Variants in ADAMTSL1 observed in about 807,000 individuals in gnomAD.
ADAMTSL1 encodes the protein ADAMTS like 1.
ADAMTSL1 carries 126 observed loss-of-function variants against 201.8 expected under a neutral mutation model. The ratio of observed to expected loss-of-function variants is 0.62; its 90% CI spans 0.54 to 0.72. ADAMTSL1 has a LOEUF of 0.72. Among genes scored for constraint, ADAMTSL1 ranks in the 30% least tolerant of loss-of-function variants. The probability of loss-of-function intolerance (pLI) is 0.00; values close to 1 mark genes in which losing one functional copy is unlikely to be tolerated. For synonymous variants in ADAMTSL1, 1,121 were observed against 903.4 expected (o/e 1.24, Z -4.32); for missense variants, 2,679 against 2,277.8 (o/e 1.18, Z -3.59).
At chr9:18,598,296 G>A (rs1409020385) in intron 4 of ADAMTSL1, among the ~76,000 whole-genome samples, 3 of 152,066 alleles carry the variant, frequency 2.0e-5, no homozygotes, top group Non-Finnish European at 4.4e-5. Flanking sequence ...TGACTTACCC[G>A]AAGTCTCTCA....
At chr9:17,929,610 C>G (rs187340613) in intron 1 of ADAMTSL1, among the ~76,000 whole-genome samples, 4 of 152,240 alleles carry the variant, frequency 2.6e-5, no homozygotes, top group East Asian at 1.9e-4. Flanking sequence ...TTTCAGTTCC[C>G]CAAGGGCACC....
At chr9:17,985,008 C>T (rs1818864570) in intron 1 of ADAMTSL1, among the ~76,000 whole-genome samples, 1 of 152,046 alleles carries the variant, frequency 6.6e-6, no homozygotes, top group Admixed American at 6.6e-5. Context: ...CAGAATAGTG[C>T]CTAACATGTA....
At chr9:18,588,131 A>G (rs898568603) in intron 4 of ADAMTSL1, among the ~76,000 whole-genome samples, 25 of 152,076 alleles carry the variant, frequency 1.6e-4, no homozygotes, top group African/African-American at 5.8e-4. Context: ...CCTCACCAGC[A>G]TTTGCTATTT....
intron 1 of ADAMTSL1, among the ~76,000 whole-genome samples, chr9:17,940,082 G>A (rs1327090631): frequency 3.9e-5 from 6 of 152,072 alleles, no homozygotes; most frequent in Non-Finnish European, 8.8e-5. Context: ...GGGTATGGTA[G>A]GAGCAGTAAC....
intron 3 of ADAMTSL1, among the ~76,000 whole-genome samples, chr9:18,559,107 C>G (rs1821305337): frequency 6.6e-6 from 1 of 152,010 alleles, no homozygotes; most frequent in Non-Finnish European, 1.5e-5. Context: ...AATGGTATTG[C>G]CTAGGTTTTC....
At chr9:18,097,670 A>G (rs1824315222) in intron 1 of ADAMTSL1, among the ~76,000 whole-genome samples, 1 of 152,080 alleles carries the variant, frequency 6.6e-6, no homozygotes, top group African/African-American at 2.4e-5. Flanking sequence ...TCTAGTTGGC[A>G]TTTTCCTGAT....
At chr9:18,530,379 A>G (rs958853028) in intron 2 of ADAMTSL1, among the ~76,000 whole-genome samples, 2 of 152,190 alleles carry the variant, frequency 1.3e-5, no homozygotes, top group Non-Finnish European at 2.9e-5. Flanking sequence ...ATACTATTAA[A>G]GTCCCAATAG....
Position 18,777,028 on chromosome 9 carries a change from G to T in ADAMTSL1, c.2799G>T (p.Lys933Asn), listed in dbSNP as rs1256060268. The change falls in exon 19 of 29, where the codon AAG (lysine) becomes AAT (asparagine). Residue 933 changes from lysine to asparagine, a missense_variant. Physicochemically the swap from Lys to Asn is moderately conservative, Grantham distance 94. Coordinates refer to ENST00000380548, the MANE Select transcript of ADAMTSL1 (RefSeq NM_001040272.6). ...HVTVAPFGYL[K>N]IHRLKPSDAG... The stretch of plus-strand genomic sequence containing the variant: ...CGGTGGCCCCCTTCGGCTATCTCAA[G>T]ATCCACCGCCTCAAGCCCTCGGATG... 2 of 1,609,042 alleles carry T rather than the reference G, an allele frequency of 1.2e-6. No individual in the cohort carries two copies. The highest frequency in any genetic ancestry group is 1.7e-6 in the Non-Finnish European group (2 of 1,176,830).
chr9:18,908,401 TCTTTTCTGTCTC>T, intron 28 of ADAMTSL1, 29 bp from the exon 29 acceptor site: 1 of 1,503,854 alleles, frequency 6.6e-7, no homozygotes, highest in Non-Finnish European at 9.1e-7. Flanking sequence ...GTTTCACATC[TCTTTTCTGTCTC>T]CTCTCCCGAC....
chr9:18,509,190 C>CA lies in ADAMTSL1; in HGVS notation c.191+4276dup, dbSNP rs57922962. On this transcript the variant is annotated intron_variant, in intron 2 of 28. Coordinates refer to ENST00000380548, the MANE Select transcript of ADAMTSL1 (RefSeq NM_001040272.6). ...TGGGCGACAGAGCGAGACTCCGTCT[C>CA]AAAAAAAAAAAAAAAAAAAAAAAAA... Among the ~76,000 whole-genome samples, 149 of 20,464 alleles carry CA rather than the reference C, an allele frequency of 7.3e-3. 48 individuals carry two copies. The highest frequency in any genetic ancestry group is 0.022 in the East Asian group (16 of 740). 13.4% of individuals were successfully genotyped at this position (20,464 alleles called of 152,430 possible).
chr9:18,293,092 A>G (rs573677564), intron 2 of ADAMTSL1, among the ~76,000 whole-genome samples: 21 of 152,270 alleles, frequency 1.4e-4, no homozygotes, highest in African/African-American at 5.1e-4. Flanking sequence ...GCCAGACATG[A>G]TCTTATTCTT....
At chr9:18,457,499 T>C (rs1294566674) in intron 2 of ADAMTSL1, among the ~76,000 whole-genome samples, 3 of 152,114 alleles carry the variant, frequency 2.0e-5, no homozygotes, top group Admixed American at 2.0e-4. Flanking sequence ...ACCATGCCTT[T>C]TTTTTCTTAG....
rs147645308 is a variant in ADAMTSL1 at position 18,263,821 on chromosome 9, G to A, written c.207+99840G>A. Among the ~76,000 whole-genome samples the A allele has an allele frequency of 2.4e-4, 36 of 152,218 alleles. No individual in the cohort carries two copies. In the East Asian group the frequency reaches 6.0e-3, roughly 25 times the overall value. On this transcript the variant is annotated intron_variant, in intron 2 of 29. Coordinates refer to the ADAMTSL1 transcript ENST00000680146. Reference sequence around the variant, plus strand: ...GGGAAGGCCACGTGAACACACAGGGGGATGGTAGCCGCCAACAAGCCAGGA... The same window carrying A: ...GGGAAGGCCACGTGAACACACAGGGAGATGGTAGCCGCCAACAAGCCAGGA...
At chr9:18,583,446 C>A (rs1823248934) in intron 4 of ADAMTSL1, among the ~76,000 whole-genome samples, 2 of 152,208 alleles carry the variant, frequency 1.3e-5, no homozygotes, top group Non-Finnish European at 2.9e-5. Flanking sequence ...AATGCCCAGT[C>A]AGAAGTTTGC....
At chr9:18,772,499 C>T (rs1260051493) in intron 17 of ADAMTSL1, among the ~76,000 whole-genome samples, 2 of 152,074 alleles carry the variant, frequency 1.3e-5, no homozygotes, top group Non-Finnish European at 2.9e-5. Flanking sequence ...AGTTCAGACT[C>T]AAAGACAGGC....
At chr9:18,357,670 A>T (rs1836312902) in intron 2 of ADAMTSL1, among the ~76,000 whole-genome samples, 1 of 152,212 alleles carries the variant, frequency 6.6e-6, no homozygotes, top group Middle Eastern at 3.4e-3. Flanking sequence ...ATTTGTTCTT[A>T]AGTATAGTCA....
chr9:18,167,447 T>G (rs906216463), intron 2 of ADAMTSL1, among the ~76,000 whole-genome samples: 5 of 151,980 alleles, frequency 3.3e-5, no homozygotes, highest in Non-Finnish European at 7.4e-5. Flanking sequence ...AAGGAGATCT[T>G]CAGAAATGCC....
chr9:18,535,120 A>C (rs928449595), intron 3 of ADAMTSL1, among the ~76,000 whole-genome samples: 5 of 152,188 alleles, frequency 3.3e-5, no homozygotes, highest in Admixed American at 2.0e-4. Flanking sequence ...CAAATTTTCT[A>C]TAGTTTTATG....
intron 2 of ADAMTSL1, among the ~76,000 whole-genome samples, chr9:18,319,084 C>T (rs554602022): frequency 7.0e-4 from 106 of 152,122 alleles, no homozygotes; most frequent in Non-Finnish European, 7.9e-4. Flanking sequence ...AGTAGTGGCA[C>T]GCCTGTACTG....
Sources: gnomAD v4.1 joint callset for allele counts (sites outside exome capture counted in the v4.1 genomes callset) on GRCh38, gnomAD v4.1.1 for gene constraint, MANE v1.5 for transcripts, NCBI Gene and HGNC (gene_info 2026-07-23, HGNC 2026-07-21) for gene names.